Variants in INSYN2B observed in about 807,000 individuals in gnomAD.
INSYN2B encodes the protein inhibitory synaptic factor family member 2B.
In INSYN2B, 16 loss-of-function variants were observed where a neutral mutation model predicts 41.2. That is an observed-to-expected ratio of 0.39 (90% CI 0.26 to 0.59). The LOEUF is 0.59. Among genes scored for constraint, INSYN2B ranks in the 20% least tolerant of loss-of-function variants. The pLI is 0.57. For synonymous variants in INSYN2B, 245 were observed against 244.4 expected, an observed-to-expected ratio of 1.00 and a Z score of -0.02; for missense variants, 608 against 646.4, an observed-to-expected ratio of 0.94 and a Z score of 0.64.
intron 3 of INSYN2B, among the ~76,000 whole-genome samples, chr5:169,879,014 G>A (rs1379745386): frequency 6.6e-6 from 1 of 152,194 alleles, no homozygotes; most frequent in East Asian, 1.9e-4. Flanking sequence ...GGCTTAGGGA[G>A]CAGAGAGAAG....
At chr5:169,939,285 G>A (rs1246904227) in intron 1 of INSYN2B, among the ~76,000 whole-genome samples, 1 of 151,564 alleles carries the variant, frequency 6.6e-6, no homozygotes, top group Non-Finnish European at 1.5e-5. Flanking sequence ...TCTACACAGG[G>A]TCAGGACCCT....
intron 1 of INSYN2B, among the ~76,000 whole-genome samples, chr5:169,974,980 G>C (rs931524285): frequency 5.9e-5 from 9 of 152,092 alleles, no homozygotes; most frequent in Non-Finnish European, 1.2e-4. Flanking sequence ...GACTTGAATG[G>C]CTTTAACCAG....
chr5:169,911,185 G>A (rs1774575706), intron 1 of INSYN2B, among the ~76,000 whole-genome samples: 1 of 152,108 alleles, frequency 6.6e-6, no homozygotes, highest in South Asian at 2.1e-4. Flanking sequence ...TCGGCCAGTT[G>A]ATTTAACAGG....
intron 1 of INSYN2B, among the ~76,000 whole-genome samples, chr5:169,968,485 AC>A (rs1439959893): frequency 2.0e-5 from 3 of 152,106 alleles, no homozygotes; most frequent in Non-Finnish European, 4.4e-5. Flanking sequence ...TTAAGATACC[AC>A]ATTACAGGTG....
intron 1 of INSYN2B, among the ~76,000 whole-genome samples, chr5:169,901,532 G>T (rs1773924383): frequency 6.6e-6 from 1 of 152,070 alleles, no homozygotes; most frequent in Admixed American, 6.6e-5. Flanking sequence ...GGACTGGATG[G>T]GGCAAAAGTG....
At chr5:169,966,888 C>T (rs1255789164) in intron 1 of INSYN2B, among the ~76,000 whole-genome samples, 15 of 152,302 alleles carry the variant, frequency 9.8e-5, no homozygotes, top group Non-Finnish European at 1.8e-4. Flanking sequence ...ACCTATTCAA[C>T]GAAAGAGAGC....
At chr5:169,931,629 C>T (rs1775759626) in intron 1 of INSYN2B, among the ~76,000 whole-genome samples, 2 of 152,218 alleles carry the variant, frequency 1.3e-5, no homozygotes, top group Admixed American at 1.3e-4. Context: ...ATCTCTGAGC[C>T]TGCTTCCTTG....
At chr5:169,929,506 G>A (rs945295795) in intron 1 of INSYN2B, among the ~76,000 whole-genome samples, 5 of 152,080 alleles carry the variant, frequency 3.3e-5, no homozygotes, top group East Asian at 3.9e-4. Flanking sequence ...GAAGGCTGAG[G>A]GGGGAGGATT....
chr5:169,952,189 G>T (rs1423953157), intron 1 of INSYN2B, among the ~76,000 whole-genome samples: 1 of 152,162 alleles, frequency 6.6e-6, no homozygotes, highest in Non-Finnish European at 1.5e-5. Context: ...TCTCATCTTT[G>T]CAAATAAGAA....
chr5:169,944,008 A>G (rs961891940), intron 1 of INSYN2B, among the ~76,000 whole-genome samples: 1 of 152,152 alleles, frequency 6.6e-6, no homozygotes, highest in African/African-American at 2.4e-5. Flanking sequence ...GTGACTCTAT[A>G]ATTCTCCAGG....
At chr5:169,963,466 C>T (rs1235576431) in intron 1 of INSYN2B, among the ~76,000 whole-genome samples, 6 of 152,126 alleles carry the variant, frequency 3.9e-5, no homozygotes, top group Non-Finnish European at 8.8e-5. Context: ...TCCTCTGGTC[C>T]TAGGCCCATT....
chr5:169,900,382 G>A (rs1561807507), intron 1 of INSYN2B, among the ~76,000 whole-genome samples: 1 of 152,308 alleles, frequency 6.6e-6, no homozygotes, highest in East Asian at 1.9e-4. Context: ...CTTGAGTCTA[G>A]ACGTGAAATG....
At chr5:169,904,567 G>A (rs941699357) in intron 1 of INSYN2B, among the ~76,000 whole-genome samples, 3 of 152,032 alleles carry the variant, frequency 2.0e-5, no homozygotes, top group Non-Finnish European at 4.4e-5. Context: ...GAGTGCTGGC[G>A]ACCTCAGCAG....
At chr5:169,970,309 C>A (rs1307803115) in intron 1 of INSYN2B, among the ~76,000 whole-genome samples, 1 of 152,198 alleles carries the variant, frequency 6.6e-6, no homozygotes, top group Non-Finnish European at 1.5e-5. Flanking sequence ...TGCCCCAAAC[C>A]TGGATACCTA....
intron 1 of INSYN2B, among the ~76,000 whole-genome samples, chr5:169,903,223 G>T (rs947875587): frequency 6.6e-5 from 10 of 150,496 alleles, no homozygotes; most frequent in African/African-American, 2.5e-4. Context: ...GCTACAGTGA[G>T]CTATGATCGC....
At chr5:169,936,237 A>G (rs986789124) in intron 1 of INSYN2B, among the ~76,000 whole-genome samples, 2 of 152,226 alleles carry the variant, frequency 1.3e-5, no homozygotes, top group African/African-American at 4.8e-5. Context: ...GCGTGATAAC[A>G]CTTCCGTGCA....
At position 169,882,950 on chromosome 5, in the gene INSYN2B, G is replaced by A. The variant is rs1245673699; in HGVS notation, c.949C>T (p.His317Tyr). Reference sequence around the variant, plus strand: ...CTTCCTGGGTGGGCTGGCTGGCTGTGGGAGCCTTGTGAGGGGGAACTGTGA... The same window carrying A: ...CTTCCTGGGTGGGCTGGCTGGCTGTAGGAGCCTTGTGAGGGGGAACTGTGA... ...RTHSSPSQGS[H>Y]SQPAHPGRAS... The change falls in exon 2 of 4, where the codon CAC becomes TAC. Residue 317 changes from histidine (H) to tyrosine (Y), a missense_variant. Transcript: ENST00000377365. 2 of 1,551,808 alleles carry A rather than the reference G, an allele frequency of 1.3e-6. No individual in the cohort carries two copies. Among genetic ancestry groups the A allele is most frequent in the Non-Finnish European group, 1.7e-6 (2 of 1,146,940 alleles).
chr5:169,963,656 A>AC, intron 1 of INSYN2B, among the ~76,000 whole-genome samples: 1 of 151,596 alleles, frequency 6.6e-6, no homozygotes, highest in East Asian at 1.9e-4. Flanking sequence ...ATGTTAACCC[A>AC]CCCCCTCACC....
chr5:169,915,557 AACACACACACACACACACAC>A (rs56728646), intron 1 of INSYN2B, among the ~76,000 whole-genome samples: 170 of 143,488 alleles, frequency 1.2e-3, no homozygotes, highest in African/African-American at 4.1e-3. Flanking sequence ...ATTGACAGGG[AACACACACACACACACACAC>A]ACACACACAC....
Sources: gnomAD v4.1 joint callset for allele counts (sites outside exome capture counted in the v4.1 genomes callset) on GRCh38, gnomAD v4.1.1 for gene constraint, MANE v1.5 for transcripts, NCBI Gene and HGNC (gene_info 2026-07-23, HGNC 2026-07-21) for gene names.